The following RBFOX2 variants were observed in gnomAD, a reference collection of about 807,000 sequenced individuals.
The protein encoded by RBFOX2 is RNA binding fox-1 homolog 2, also known as RNA binding protein fox-1 homolog 2.
In RBFOX2, 10 loss-of-function variants were observed where a neutral mutation model predicts 49.1. That is an observed-to-expected ratio of 0.20 (90% CI 0.13 to 0.35). The LOEUF (loss-of-function observed/expected upper bound fraction) is 0.35. RBFOX2 is among the 10% of genes least tolerant of loss of function. RBFOX2 has a pLI of 1.00. For missense variants in RBFOX2, 323 were observed against 486.9 expected, an observed-to-expected ratio of 0.66 and a Z score of 3.17; for synonymous variants, 183 against 187.4, an observed-to-expected ratio of 0.98 and a Z score of 0.19.
In RBFOX2 at chr22:35,990,806, G is replaced by A. The variant is rs1390683747; in HGVS notation, c.186+37434C>T. Among the ~76,000 whole-genome samples the A allele has an allele frequency of 2.6e-5, 4 of 152,190 alleles. No individual in the cohort carries two copies. The East Asian group carries it at 7.7e-4, about 29-fold the overall frequency. On this transcript the variant is annotated intron_variant, in intron 1 of 13. Transcript: ENST00000438146. ...GGGAGGGACAAAACAATAAATGACA[G>A]TACTGCATAAGGGAAAAGGTTAGAC...
At chr22:35,750,686 T>G (rs1429708449) in intron 9 of RBFOX2, among the ~76,000 whole-genome samples, 1 of 152,236 alleles carries the variant, frequency 6.6e-6, no homozygotes. Context: ...TGCCCAGTGC[T>G]TCATCGCTCC....
chr22:35,869,869 A>C (rs1461638834), intron 1 of RBFOX2, among the ~76,000 whole-genome samples: 1 of 152,208 alleles, frequency 6.6e-6, no homozygotes, highest in Non-Finnish European at 1.5e-5. Flanking sequence ...AACCTTTATC[A>C]TATTTACTTT....
chr22:35,849,288 TACACACACAAACAC>T (rs947836222), intron 1 of RBFOX2, among the ~76,000 whole-genome samples: 2 of 96,848 alleles, frequency 2.1e-5, no homozygotes, highest in African/African-American at 1.0e-4. Context: ...CACACACACA[TACACACACAAACAC>T]ACACACACAC....
chr22:35,784,716 T>C (rs1946006131), intron 2 of RBFOX2, among the ~76,000 whole-genome samples: 1 of 152,250 alleles, frequency 6.6e-6, no homozygotes, highest in African/African-American at 2.4e-5. Flanking sequence ...TTGTCGAACA[T>C]GCAGTCGATG....
intron 1 of RBFOX2, among the ~76,000 whole-genome samples, chr22:35,917,537 G>A (rs1019211775): frequency 6.6e-6 from 1 of 152,212 alleles, no homozygotes; most frequent in Non-Finnish European, 1.5e-5. Flanking sequence ...TTTTCAGGCA[G>A]GAACTACAAG....
At chr22:35,881,903 G>A (rs967877450) in intron 1 of RBFOX2, among the ~76,000 whole-genome samples, 2 of 150,148 alleles carry the variant, frequency 1.3e-5, no homozygotes, top group African/African-American at 4.9e-5. Context: ...AGGTTGCAGT[G>A]AGCCAAGATC....
intron 9 of RBFOX2, among the ~76,000 whole-genome samples, chr22:35,757,708 T>C (rs1937403864): frequency 6.6e-6 from 1 of 152,194 alleles, no homozygotes. Flanking sequence ...TCTCTGATGT[T>C]CATTTAGCTA....
chr22:35,807,167 T>C (rs1160864904), intron 2 of RBFOX2, among the ~76,000 whole-genome samples: 3 of 151,952 alleles, frequency 2.0e-5, no homozygotes, highest in Non-Finnish European at 4.4e-5. Context: ...TGAAACAAAA[T>C]GACAGAAAAA....
intron 1 of RBFOX2, among the ~76,000 whole-genome samples, chr22:35,935,804 T>C (rs1240819797): frequency 1.3e-5 from 2 of 152,194 alleles, no homozygotes; most frequent in Non-Finnish European, 2.9e-5. Context: ...ATTTAGCTAC[T>C]TACTTGAATT....
intron 1 of RBFOX2, among the ~76,000 whole-genome samples, chr22:35,982,843 A>G (rs2057529307): frequency 6.6e-6 from 1 of 152,010 alleles, no homozygotes; most frequent in Non-Finnish European, 1.5e-5. Flanking sequence ...TATGTCCCAA[A>G]AGCAAAACAG....
chr22:35,746,558 C>T, exon 10 of RBFOX2: 1 of 1,591,444 alleles, frequency 6.3e-7, no homozygotes, highest in Non-Finnish European at 8.6e-7. Flanking sequence ...GCTGCATATC[C>T]ACCCTACAGG....
chr22:35,868,610 C>T (rs2043969347), intron 1 of RBFOX2, among the ~76,000 whole-genome samples: 1 of 152,020 alleles, frequency 6.6e-6, no homozygotes, highest in African/African-American at 2.4e-5. Flanking sequence ...AAATTAAAAA[C>T]TAGCCAGGTG....
intron 9 of RBFOX2, chr22:35,747,596 CATGAGACAGGATATTTTT>C (rs1316496089): frequency 1.3e-5 from 2 of 152,220 alleles, no homozygotes; most frequent in African/African-American, 4.8e-5. Context: ...ATGCTTGCCA[CATGAGACAGGATATTTTT>C]AAAAGTGGCA....
rs1930819225 is a variant in RBFOX2 at position 35,743,231 on chromosome 22, T to G, written c.*964A>C. Reference sequence around the variant, plus strand: ...CTCTTTAATGGCTGTCAACAATTTGTACTTCTAATCCTCAAGACATCTGGG... The same window carrying G: ...CTCTTTAATGGCTGTCAACAATTTGGACTTCTAATCCTCAAGACATCTGGG... On this transcript the variant is annotated 3_prime_UTR_variant, in exon 12 of 12. Transcript: ENST00000405409. 2.0e-5 allele frequency: 3 copies of G among 152,230 alleles called. No homozygotes were observed. The South Asian group carries it at 6.2e-4, about 31-fold the overall frequency. 9.4% of individuals were successfully genotyped at this position (152,230 alleles called of 1,614,324 possible).
chr22:35,862,679 G>A (rs763790628), intron 1 of RBFOX2, among the ~76,000 whole-genome samples: 2 of 152,122 alleles, frequency 1.3e-5, no homozygotes, highest in Non-Finnish European at 2.9e-5. Context: ...TCACATGTGG[G>A]TAAGAGTTCA....
intron 2 of RBFOX2, among the ~76,000 whole-genome samples, chr22:35,808,770 G>A (rs570890449): frequency 6.6e-6 from 1 of 152,220 alleles, no homozygotes; most frequent in South Asian, 2.1e-4. Flanking sequence ...GATCACTTGA[G>A]CCCAGGAGAC....
intron 1 of RBFOX2, among the ~76,000 whole-genome samples, chr22:35,981,928 A>T (rs1213578891): frequency 6.6e-6 from 1 of 152,184 alleles, no homozygotes; most frequent in Non-Finnish European, 1.5e-5. Flanking sequence ...AGCAGCAGGA[A>T]GACTTATAAG....
At chr22:35,937,607 T>C (rs2053240650) in intron 1 of RBFOX2, among the ~76,000 whole-genome samples, 1 of 152,218 alleles carries the variant, frequency 6.6e-6, no homozygotes, top group Non-Finnish European at 1.5e-5. Flanking sequence ...TGTTTTGTTT[T>C]TGAGACAAAG....
chr22:35,854,431 A>C (rs570458370), intron 1 of RBFOX2, among the ~76,000 whole-genome samples: 65 of 152,002 alleles, frequency 4.3e-4, no homozygotes, highest in African/African-American at 1.2e-3. Flanking sequence ...GCCCCGCCCC[A>C]AAAAAATTAG....
Sources: gnomAD v4.1 joint callset for allele counts (sites outside exome capture counted in the v4.1 genomes callset) on GRCh38, gnomAD v4.1.1 for gene constraint, MANE v1.5 for transcripts, NCBI Gene and HGNC (gene_info 2026-07-23, HGNC 2026-07-21) for gene names.